Variants in LDHAL6A observed in about 807,000 individuals in gnomAD.
LDHAL6A encodes the protein L-lactate dehydrogenase A-like 6A.
Under a neutral mutation model 28.2 loss-of-function variants are expected in LDHAL6A, and 19 were observed. The ratio of observed to expected loss-of-function variants is 0.67; its 90% CI spans 0.47 to 0.99. The LOEUF (loss-of-function observed/expected upper bound fraction) is 0.99, where lower values mean the gene tolerates loss of function less well. Among genes scored for constraint, LDHAL6A ranks in the 50% least tolerant of loss-of-function variants. The pLI is 0.00. For missense variants in LDHAL6A, 372 were observed against 398.6 expected, an observed-to-expected ratio of 0.93 and a Z score of 0.57; for synonymous variants, 144 against 134.4, an observed-to-expected ratio of 1.07 and a Z score of -0.49.
rs1318072446 is a variant in LDHAL6A at position 18,456,235 on chromosome 11, G to T, written c.-446G>T. ...GGTGGCCCTTCACCCCTGTGAGTGT[G>T]GCCAGAAGTACCTCTCACCTGGACC... On this transcript the variant is annotated 5_prime_UTR_variant, in exon 1 of 7. Coordinates refer to ENST00000280706, the MANE Select transcript of LDHAL6A (RefSeq NM_144972.5). 5.8e-6 allele frequency: 1 copy of T among 172,854 alleles called. No individual in the cohort carries two copies. The highest frequency in any genetic ancestry group is 1.2e-5 in the Non-Finnish European group (1 of 82,184). 10.7% of individuals were successfully genotyped at this position (172,854 alleles called of 1,614,324 possible).
intron 3 of LDHAL6A, among the ~76,000 whole-genome samples, chr11:18,473,776 GA>G (rs993315640): frequency 5.3e-5 from 8 of 152,288 alleles, no homozygotes; most frequent in Non-Finnish European, 1.2e-4. Flanking sequence ...ATGTTAAACA[GA>G]AACAGTGATA....
chr11:18,461,937 G>A (rs1590246983), intron 1 of LDHAL6A, among the ~76,000 whole-genome samples: 1 of 151,542 alleles, frequency 6.6e-6, no homozygotes, highest in Non-Finnish European at 1.5e-5. Flanking sequence ...GATCACTTGA[G>A]TCCTGGACTT....
In LDHAL6A at chr11:18,475,588, C is replaced by T. The variant is rs1849355773; in HGVS notation, c.541C>T (p.His181Tyr). The T allele has an allele frequency of 6.2e-7, 1 of 1,614,006 alleles. No homozygotes were observed. Residue 181 changes from histidine (H) to tyrosine (Y), a missense_variant, in exon 4 of 7, where the codon CAC becomes TAC. Transcript: ENST00000280706. ...RYFIGQRLGI[H>Y]SESCHGLILG... The stretch of plus-strand genomic sequence containing the variant: ...CTTTATTGGGCAAAGGCTTGGCATC[C>T]ACTCTGAAAGCTGTCATGGGCTGAT...
Position 18,465,821 on chromosome 11 carries a change from T to A in LDHAL6A, c.418+11T>A. 6.2e-7 allele frequency: 1 copy of A among 1,606,056 alleles called. No homozygotes were observed. Among genetic ancestry groups the A allele is most frequent in the Non-Finnish European group, 8.5e-7 (1 of 1,174,716 alleles). On this transcript the variant is annotated intron_variant, in intron 3 of 6. Transcript: ENST00000280706. ...TTGTTACTAATCCAGGTCAGCTTTG[T>A]TGTTTTAAATTTTCAACTTTTAGAT... is the stretch of plus-strand genomic sequence containing the variant.
At chr11:18,469,997 C>T (rs979269058) in intron 3 of LDHAL6A, among the ~76,000 whole-genome samples, 2 of 152,094 alleles carry the variant, frequency 1.3e-5, no homozygotes, top group Non-Finnish European at 1.5e-5. Flanking sequence ...GATGCAATAT[C>T]GGCTCACTGC....
chr11:18,477,857 G>T, intron 6 of LDHAL6A, 114 bp downstream of exon 6: 2 of 934,600 alleles, frequency 2.1e-6, no homozygotes, highest in Admixed American at 6.0e-5. Context: ...CTCTCTTCCT[G>T]AAGTCTGTTC....
At chr11:18,460,084 C>G (rs1848859525) in intron 1 of LDHAL6A, among the ~76,000 whole-genome samples, 1 of 152,168 alleles carries the variant, frequency 6.6e-6, no homozygotes, top group Non-Finnish European at 1.5e-5. Context: ...GTTGTACAGT[C>G]TAGTTTAAAA....
intron 3 of LDHAL6A, 177 bp from the exon 4 acceptor site, chr11:18,475,289 C>G (rs775775276): frequency 3.8e-6 from 2 of 527,840 alleles, no homozygotes; most frequent in Non-Finnish European, 6.7e-6. Context: ...AAAGGTTTTT[C>G]ATTACTTCTA....
chr11:18,471,226 T>TG (rs1849250805), intron 3 of LDHAL6A, among the ~76,000 whole-genome samples: 2 of 150,962 alleles, frequency 1.3e-5, no homozygotes, highest in Non-Finnish European at 2.9e-5. Flanking sequence ...TTTTTTTTTT[T>TG]TGAGAGAGGG....
At chr11:18,466,292 G>GGAA (rs1849071906) in intron 3 of LDHAL6A, among the ~76,000 whole-genome samples, 1 of 109,416 alleles carries the variant, frequency 9.1e-6, no homozygotes, top group South Asian at 3.0e-4. Flanking sequence ...CAGAATCTCT[G>GGAA]TTTTGTTAGT....
Position 18,456,464 on chromosome 11 carries a change from G to C in LDHAL6A, c.-217G>C. 1.9e-6 allele frequency: 1 copy of C among 528,752 alleles called. No individual in the cohort carries two copies. Among genetic ancestry groups the C allele is most frequent in the Non-Finnish European group, 3.3e-6 (1 of 299,460 alleles). The allele number at this position is 528,752 out of a possible 1,614,324, so 32.8% of individuals were successfully genotyped here. On this transcript the variant is annotated 5_prime_UTR_variant, in exon 1 of 7. Transcript: ENST00000280706. ...CTCACGCTTCCTTCTCCTTCCCCTG[G>C]TCCGCTTCATGGATGCTGAGCTGCC...
At chr11:18,459,920 C>T (rs1032837511) in intron 1 of LDHAL6A, among the ~76,000 whole-genome samples, 12 of 151,836 alleles carry the variant, frequency 7.9e-5, no homozygotes, top group African/African-American at 1.9e-4. Context: ...ATGGTGAGAC[C>T]GAGGTTTTGG....
intron 3 of LDHAL6A, among the ~76,000 whole-genome samples, chr11:18,466,053 C>T (rs1305236388): frequency 4.6e-5 from 7 of 152,160 alleles, no homozygotes; most frequent in Non-Finnish European, 1.0e-4. Context: ...TTAGCTCCCA[C>T]TTATAGTGAG....
intron 3 of LDHAL6A, 127 bp downstream of exon 3, chr11:18,465,937 C>T (rs1849061116): frequency 2.9e-6 from 2 of 685,710 alleles, no homozygotes; most frequent in Non-Finnish European, 4.9e-6. Context: ...AGGTACTGAG[C>T]AAAGTACCTA....
At chr11:18,476,003 G>GA (rs11449786) in intron 4 of LDHAL6A, among the ~76,000 whole-genome samples, 137,401 of 152,160 alleles carry the variant, frequency 0.9, 62,536 homozygotes, top group Middle Eastern at 0.98. Flanking sequence ...TATAACTGAA[G>GA]ATATAAGAAG....
At position 18,456,661 on chromosome 11, in the gene LDHAL6A, T is replaced by A. The variant is rs758420975; in HGVS notation, c.-20T>A. Reference sequence around the variant, plus strand: ...CTTGGAAATGGCTGTGCAATTTGTCTTCACTGTTAGGTTTCCAAGATGGCA... The same window carrying A: ...CTTGGAAATGGCTGTGCAATTTGTCATCACTGTTAGGTTTCCAAGATGGCA... On this transcript the variant is annotated 5_prime_UTR_variant, in exon 1 of 7. Transcript: ENST00000280706. 1.2e-6 allele frequency: 2 copies of A among 1,612,626 alleles called. No individual in the cohort carries two copies. The highest frequency in any genetic ancestry group is 8.5e-7 in the Non-Finnish European group (1 of 1,179,480).
chr11:18,462,547 G>T (rs375305265), intron 1 of LDHAL6A, among the ~76,000 whole-genome samples: 2 of 151,598 alleles, frequency 1.3e-5, no homozygotes, highest in South Asian at 2.1e-4. Context: ...TGAGGCAGGA[G>T]AATGGCGTGA....
In LDHAL6A at chr11:18,464,073, G is replaced by A; in HGVS notation, c.239G>A (p.Ser80Asn). The A allele has an allele frequency of 6.3e-7, 1 of 1,585,708 alleles. No individual in the cohort carries two copies. The highest frequency in any genetic ancestry group is 8.7e-7 in the Non-Finnish European group (1 of 1,154,216). The stretch of plus-strand genomic sequence containing the variant: ...ATGAAAATGCCAAATATTGTCTCCA[G>A]CAAAGGTTAATGTCATAGTTAAATA... ...PFMKMPNIVS[S>N]KDYLVTANSN... Residue 80 changes from serine to asparagine, a missense_variant, in exon 2 of 7, where the codon AGC (serine) becomes AAC (asparagine). Physicochemically the swap from Ser to Asn is conservative, Grantham distance 46. Coordinates refer to ENST00000280706, the MANE Select transcript of LDHAL6A (RefSeq NM_144972.5).
intron 1 of LDHAL6A, among the ~76,000 whole-genome samples, chr11:18,458,803 TC>T (rs1848823783): frequency 1.3e-5 from 2 of 152,330 alleles, no homozygotes; most frequent in South Asian, 4.1e-4. Context: ...TAGTGTTGTA[TC>T]TGGAATCTAG....
Sources: allele counts gnomAD v4.1 joint callset (sites outside exome capture counted in the v4.1 genomes callset), GRCh38; gene constraint gnomAD v4.1.1; transcripts MANE v1.5; gene names NCBI Gene and HGNC (gene_info 2026-07-23, HGNC 2026-07-21).